The following GABRR3 variants were observed in gnomAD, a reference collection of about 807,000 sequenced individuals.
GABRR3 encodes the protein gamma-aminobutyric acid receptor subunit rho-3.
Under a neutral mutation model 43.2 loss-of-function variants are expected in GABRR3, and 29 were observed. The observed-to-expected ratio is 0.67, with a 90% CI of 0.50 to 0.92. GABRR3 has a LOEUF of 0.92. Among genes scored for constraint, GABRR3 ranks in the 40% least tolerant of loss-of-function variants. The pLI is 0.00. For synonymous variants in GABRR3, 206 were observed against 195.9 expected, an observed-to-expected ratio of 1.05 and a Z score of -0.43; for missense variants, 576 against 572.3, an observed-to-expected ratio of 1.01 and a Z score of -0.07.
intron 7 of GABRR3, among the ~76,000 whole-genome samples, chr3:98,007,421 C>T (rs757442123): frequency 3.9e-5 from 6 of 152,106 alleles, no homozygotes; most frequent in Non-Finnish European, 8.8e-5. Context: ...AGACTGATCA[C>T]GTTGAGAAAC....
chr3:98,004,134 C>T (rs1333671782), intron 7 of GABRR3, among the ~76,000 whole-genome samples: 2 of 152,080 alleles, frequency 1.3e-5, no homozygotes, highest in African/African-American at 4.8e-5. Flanking sequence ...GGTTTTTATA[C>T]CTAGAGACAG....
At chr3:97,997,977 T>G (rs1022205067) in intron 8 of GABRR3, 2 of 152,126 alleles carry the variant, frequency 1.3e-5, no homozygotes, top group African/African-American at 4.8e-5. Context: ...TAGAACTCTC[T>G]AACAGTCTAA....
intron 5 of GABRR3, among the ~76,000 whole-genome samples, chr3:98,009,585 G>A (rs2107237684): frequency 6.6e-6 from 1 of 152,250 alleles, no homozygotes; most frequent in Non-Finnish European, 1.5e-5. Flanking sequence ...AAGCCAAAAG[G>A]CTTGCATACT....
At chr3:98,001,511 A>C in intron 8 of GABRR3, 104 bp downstream of exon 8, 1 of 1,228,110 alleles carries the variant, frequency 8.1e-7, no homozygotes, top group Non-Finnish European at 1.2e-6. Flanking sequence ...GACTATCCCT[A>C]CTAAACCACC....
At chr3:97,989,598 C>T (rs141383741) in intron 9 of GABRR3, among the ~76,000 whole-genome samples, 3 of 152,004 alleles carry the variant, frequency 2.0e-5, no homozygotes, top group Admixed American at 6.6e-5. Flanking sequence ...AACTCCATAG[C>T]GAGGCCTAAC....
chr3:97,989,340 T>C (rs977989079), intron 9 of GABRR3, among the ~76,000 whole-genome samples: 5 of 149,580 alleles, frequency 3.3e-5, no homozygotes, highest in Admixed American at 6.7e-5. Context: ...TAAGTGGTGG[T>C]CAGTGGGTGA....
At chr3:98,022,163 A>C (rs1031093383) in intron 3 of GABRR3, among the ~76,000 whole-genome samples, 4 of 152,246 alleles carry the variant, frequency 2.6e-5, no homozygotes, top group African/African-American at 9.6e-5. Context: ...TTGAAGAAAC[A>C]AAGAAATTAT....
In GABRR3 at chr3:98,022,367, T is replaced by C. The variant is rs933619899; in HGVS notation, c.238+3200A>G. Reference sequence around the variant, plus strand: ...TTTATAAAAGTAAAAAACACTGCAGTAGCAGCTGGTTTTAATGTTAAAGCT... The same window carrying C: ...TTTATAAAAGTAAAAAACACTGCAGCAGCAGCTGGTTTTAATGTTAAAGCT... On this transcript the variant is annotated intron_variant, in intron 3 of 9. Transcript: ENST00000621172. Among the ~76,000 whole-genome samples the C allele has an allele frequency of 2.0e-5, 3 of 152,016 alleles. No individual in the cohort carries two copies. The South Asian group carries it at 6.2e-4, about 32-fold the overall frequency.
In GABRR3 at chr3:97,987,142, G is replaced by T. The variant is rs540186804; in HGVS notation, c.1105-160C>A. 9 of 169,646 alleles carry T rather than the reference G, an allele frequency of 5.3e-5. No homozygotes were observed. The South Asian group carries it at 1.5e-3, about 29-fold the overall frequency. The allele number at this position is 169,646 out of a possible 1,614,324, so 10.5% of individuals were successfully genotyped here. A position where few individuals can be genotyped will look rare whatever the true frequency, so the allele number is the denominator to read the frequency against. On this transcript the variant is annotated intron_variant, in intron 9 of 9. Transcript: ENST00000621172. Reference sequence around the variant, plus strand: ...TATTTTTTTCTTTATAGAAAATATAGCAGTATCCTCCGTATATATGTATTT... The same window carrying T: ...TATTTTTTTCTTTATAGAAAATATATCAGTATCCTCCGTATATATGTATTT...
At chr3:97,999,074 C>G (rs974819212) in intron 8 of GABRR3, 10 of 152,084 alleles carry the variant, frequency 6.6e-5, no homozygotes, top group African/African-American at 2.4e-4. Flanking sequence ...AAAGGCTCAA[C>G]AAACTGGGAG....
rs564413564 is a variant in GABRR3, at chr3:98,033,086, CTG to C, written c.125+1775_125+1776del. 2.5e-3 allele frequency among the ~76,000 whole-genome samples: 380 copies of C among 152,262 alleles called. 3 individuals carry two copies. Among genetic ancestry groups the C allele is most frequent in the Admixed American group, 4.1e-3 (63 of 15,278 alleles). ...GAATGACAGCTCAGAAATTGGCTGGCTGTGTTACTCTGTTCACTCAGGGAAAA... is the reference window on the plus strand; with the variant it reads ...GAATGACAGCTCAGAAATTGGCTGGCTGTTACTCTGTTCACTCAGGGAAAA... On this transcript the variant is annotated intron_variant, in intron 2 of 9. Transcript: ENST00000621172.
At chr3:98,022,575 G>T (rs1329769460) in intron 3 of GABRR3, among the ~76,000 whole-genome samples, 1 of 152,110 alleles carries the variant, frequency 6.6e-6, no homozygotes, top group Non-Finnish European at 1.5e-5. Context: ...CAGAGAAATG[G>T]GTCACTGGTA....
At chr3:98,010,730 A>G (rs1423184161) in intron 5 of GABRR3, among the ~76,000 whole-genome samples, 1 of 152,154 alleles carries the variant, frequency 6.6e-6, no homozygotes, top group African/African-American at 2.4e-5. Flanking sequence ...CTTTGTCCAG[A>G]TAGTGTCGTT....
At chr3:97,990,407 G>A (rs1210747635) in intron 9 of GABRR3, among the ~76,000 whole-genome samples, 1 of 151,928 alleles carries the variant, frequency 6.6e-6, no homozygotes, top group Non-Finnish European at 1.5e-5. Flanking sequence ...CAGTGGCAGT[G>A]GTGCAATCAC....
chr3:98,003,616 TG>T (rs1706683903), intron 7 of GABRR3, among the ~76,000 whole-genome samples: 1 of 152,068 alleles, frequency 6.6e-6, no homozygotes, highest in African/African-American at 2.4e-5. Context: ...ATAAAAAGTC[TG>T]ATTCTATTTT....
At chr3:97,997,557 ACACT>A (rs1706577581) in intron 8 of GABRR3, 1 of 152,208 alleles carries the variant, frequency 6.6e-6, no homozygotes, top group South Asian at 2.1e-4. Flanking sequence ...GTAAGCATAA[ACACT>A]CAGGTATACT....
chr3:98,034,887 C>T, exon 2 of GABRR3: 1 of 1,613,014 alleles, frequency 6.2e-7, no homozygotes, highest in South Asian at 1.1e-5. Context: ...TGAAGAGGAG[C>T]ACCGCTGGTG....
At chr3:98,004,778 T>C (rs1453662619) in intron 7 of GABRR3, among the ~76,000 whole-genome samples, 2 of 152,018 alleles carry the variant, frequency 1.3e-5, no homozygotes, top group Non-Finnish European at 2.9e-5. Context: ...GTATAGTTTT[T>C]CTATACACCT....
At chr3:98,028,980 C>T (rs1269665840) in intron 2 of GABRR3, among the ~76,000 whole-genome samples, 1 of 152,142 alleles carries the variant, frequency 6.6e-6, no homozygotes, top group Non-Finnish European at 1.5e-5. Flanking sequence ...ATTCTATACA[C>T]ATACCACTTT....
Sources: allele counts gnomAD v4.1 joint callset (sites outside exome capture counted in the v4.1 genomes callset), GRCh38; gene constraint gnomAD v4.1.1; transcripts MANE v1.5; gene names NCBI Gene and HGNC (gene_info 2026-07-23, HGNC 2026-07-21).